The following SMS variants were observed in gnomAD, a reference collection of about 807,000 sequenced individuals.
The protein encoded by SMS is spermine synthase, also known as spermidine aminopropyltransferase.
In SMS, 3 loss-of-function variants were observed where a neutral mutation model predicts 33.0. The observed-to-expected ratio is 0.09, with a 90% CI of 0.04 to 0.23. SMS has a LOEUF of 0.23. SMS is among the 10% of genes least tolerant of loss of function. The pLI is 1.00. For missense variants in SMS, 117 were observed against 288.6 expected (o/e 0.41, Z 4.31); for synonymous variants, 103 against 112.2 (o/e 0.92, Z 0.52).
intron 7 of SMS, among the ~76,000 whole-genome samples, chrX:21,983,958 G>C (rs1263936769): frequency 3.6e-5 from 4 of 112,009 alleles, no homozygotes; most frequent in Non-Finnish European, 5.6e-5. Flanking sequence ...AGAGATGAAA[G>C]TATGAAGTTG....
intron 4 of SMS, among the ~76,000 whole-genome samples, chrX:21,974,896 C>G (rs1924440098): frequency 1.0e-5 from 1 of 96,600 alleles, no homozygotes; most frequent in African/African-American, 3.9e-5. Flanking sequence ...GAATAAAGAT[C>G]AGAGGTTAAA....
At chrX:21,972,933 A>AAG (rs1256203950) in intron 4 of SMS, among the ~76,000 whole-genome samples, 1 of 108,261 alleles carries the variant, frequency 9.2e-6, no homozygotes, top group East Asian at 2.9e-4. Context: ...AAAAAAAAAA[A>AAG]AAAAAAATTC....
chrX:21,952,406 GTTGTTTGT>G (rs200941331), intron 1 of SMS, among the ~76,000 whole-genome samples: 1 of 81,352 alleles, frequency 1.2e-5, no homozygotes, highest in Non-Finnish European at 2.5e-5. Context: ...GGTGGATCAC[GTTGTTTGT>G]TTGTTTGTTT....
chrX:21,945,380 C>T (rs1922138514), intron 1 of SMS, among the ~76,000 whole-genome samples: 1 of 111,437 alleles, frequency 9.0e-6, no homozygotes. Context: ...TGTGCAGGGA[C>T]ACAAGGAGAT....
intron 1 of SMS, 43 bp downstream of exon 1, chrX:21,940,916 C>T (rs1177258968): frequency 5.2e-6 from 5 of 956,567 alleles, no homozygotes; most frequent in Middle Eastern, 4.1e-4. Context: ...CCCCGCCGCT[C>T]CCGCCGCCTG....
intron 10 of SMS, 78 bp from the exon 11 acceptor site, chrX:21,994,234 G>A: frequency 1.1e-6 from 1 of 929,096 alleles, no homozygotes; most frequent in Admixed American, 2.2e-5. Flanking sequence ...CTTTCAATTT[G>A]TAGGCCAGCA....
At chrX:21,944,905 GGAGGTGGAGGTTACGCT>G (rs200274893) in intron 1 of SMS, among the ~76,000 whole-genome samples, 1,955 of 111,458 alleles carry the variant, frequency 0.018, 51 homozygotes, top group African/African-American at 0.061. Flanking sequence ...CTTGAACGAG[GGAGGTGGAGGTTACGCT>G]GAGCCCAGAT....
At chrX:21,960,751 GGGA>G (rs1310999258) in intron 1 of SMS, among the ~76,000 whole-genome samples, 3 of 111,778 alleles carry the variant, frequency 2.7e-5, no homozygotes, top group African/African-American at 6.5e-5. Flanking sequence ...TCTGCCTGAG[GGGA>G]GGGGTGTTGA....
At chrX:21,952,952 A>G (rs1278763595) in intron 1 of SMS, among the ~76,000 whole-genome samples, 1 of 105,691 alleles carries the variant, frequency 9.5e-6, no homozygotes, top group African/African-American at 3.5e-5. Context: ...TTTTAGAGAC[A>G]GGGCTTCCTC....
At chrX:21,970,135 A>T (rs748335209) in intron 2 of SMS, among the ~76,000 whole-genome samples, 18 of 112,230 alleles carry the variant, frequency 1.6e-4, no homozygotes, top group Non-Finnish European at 3.0e-4. Flanking sequence ...AGAGTTTTCT[A>T]CCTGGTCTCC....
At chrX:21,940,933 TG>T (rs1172401430) in intron 1 of SMS, 60 bp downstream of exon 1, 2 of 815,906 alleles carry the variant, frequency 2.5e-6, no homozygotes, top group Admixed American at 3.8e-5. Context: ...CCTGGCGGGC[TG>T]GGGCGGGGGT....
At chrX:21,946,556 TTTGA>T (rs1922245563) in intron 1 of SMS, among the ~76,000 whole-genome samples, 1 of 111,702 alleles carries the variant, frequency 9.0e-6, no homozygotes, top group Non-Finnish European at 1.9e-5. Context: ...GCCATGTTTG[TTTGA>T]TTGGAAGGCT....
Position 21,994,203 on chromosome X carries a change from G to A in SMS, c.1062-109G>A. On this transcript the variant is annotated intron_variant, in intron 10 of 10. Transcript: ENST00000404933. ...CGTTCTCATTCCCACAGTGCTCTAA[G>A]CCATGAAGCTTTTCATCCATCTTTC... The A allele has an allele frequency of 4.0e-6, 3 of 742,499 alleles. No individual in the cohort carries two copies. The South Asian group carries it at 6.4e-5, about 16-fold the overall frequency. The allele number at this position is 742,499 out of a possible 1,213,427, so 61.2% of individuals were successfully genotyped here.
chrX:21,947,603 T>C (rs1922326487), intron 1 of SMS, among the ~76,000 whole-genome samples: 1 of 111,668 alleles, frequency 9.0e-6, no homozygotes, highest in Admixed American at 9.5e-5. Context: ...TCATCACCTG[T>C]TCCTTACTTT....
At chrX:21,982,643 G>T (rs144542126) in intron 7 of SMS, among the ~76,000 whole-genome samples, 362 of 112,574 alleles carry the variant, frequency 3.2e-3, no homozygotes, top group African/African-American at 0.011. Context: ...ACAACAGAAA[G>T]AATGTTTTTA....
At chrX:21,942,743 C>T (rs1364482715) in intron 1 of SMS, among the ~76,000 whole-genome samples, 1 of 109,357 alleles carries the variant, frequency 9.1e-6, no homozygotes, top group African/African-American at 3.3e-5. Context: ...GGTCACCCAG[C>T]TAGTAAGGGG....
intron 7 of SMS, 66 bp from the exon 8 acceptor site, chrX:21,984,238 C>T: frequency 1.4e-6 from 1 of 714,279 alleles, no homozygotes; most frequent in Non-Finnish European, 2.3e-6. Context: ...CCTTCCTTTA[C>T]TATTGTTTTT....
chrX:21,987,449 G>T (rs1351291702), intron 9 of SMS, among the ~76,000 whole-genome samples: 2 of 111,916 alleles, frequency 1.8e-5, no homozygotes, highest in African/African-American at 6.5e-5. Flanking sequence ...ATCCTGCTTT[G>T]CCCTCCCAAA....
intron 9 of SMS, among the ~76,000 whole-genome samples, chrX:21,991,537 C>T (rs1447408497): frequency 8.9e-6 from 1 of 112,001 alleles, no homozygotes; most frequent in Non-Finnish European, 1.9e-5. Flanking sequence ...CTTGTGAATA[C>T]CAACTTCAGA....
Sources: gnomAD v4.1 joint callset for allele counts (sites outside exome capture counted in the v4.1 genomes callset) on GRCh38, gnomAD v4.1.1 for gene constraint, MANE v1.5 for transcripts, NCBI Gene and HGNC (gene_info 2026-07-23, HGNC 2026-07-21) for gene names.